Variants in BEST3 observed in about 807,000 individuals in gnomAD.
The protein encoded by BEST3 is bestrophin-3.
In BEST3, 50 loss-of-function variants were observed where a neutral mutation model predicts 47.1. The observed-to-expected ratio is 1.06, with a 90% CI of 0.85 to 1.34. The LOEUF (loss-of-function observed/expected upper bound fraction) is 1.34. Among genes scored for constraint, BEST3 ranks in the 40% most tolerant of loss-of-function variants. BEST3 has a pLI of 0.00. For missense variants in BEST3, 765 were observed against 817.0 expected (o/e 0.94, Z 0.78); for synonymous variants, 282 against 298.8 (o/e 0.94, Z 0.58).
Position 69,692,894 on chromosome 12 carries a change from C to T in BEST3, c.481+780G>A, listed in dbSNP as rs116612751. 5.0e-3 allele frequency among the ~76,000 whole-genome samples: 761 copies of T among 152,142 alleles called. 10 individuals are homozygous for T. Among genetic ancestry groups the T allele is most frequent in the African/African-American group, 0.017 (718 of 41,488 alleles). On this transcript the variant is annotated intron_variant, in intron 4 of 9. Coordinates refer to ENST00000330891, the MANE Select transcript of BEST3 (RefSeq NM_032735.3). ...TCTCCTGCCTCAGCCTCCCGAGTAG[C>T]GGGAATTACAGGTGGGAGCCAGCAA...
intron 9 of BEST3, among the ~76,000 whole-genome samples, chr12:69,667,870 T>C (rs1198987346): frequency 6.6e-6 from 1 of 152,146 alleles, no homozygotes; most frequent in Non-Finnish European, 1.5e-5. Flanking sequence ...CCAGAATAAA[T>C]AAACGAGCAC....
chr12:69,654,591 T>G lies in BEST3; in HGVS notation c.*316A>C. The stretch of plus-strand genomic sequence containing the variant: ...TGATCTATGAGACTCTTTCCACAAC[T>G]AATAATCTATGAATTTATAAGTCAT... On this transcript the variant is annotated 3_prime_UTR_variant, in exon 10 of 10. Transcript: ENST00000330891. 9.4e-7 allele frequency: 1 copy of G among 1,064,478 alleles called. No individual in the cohort carries two copies. Among genetic ancestry groups the G allele is most frequent in the South Asian group, 3.9e-5 (1 of 25,828 alleles). The allele number at this position is 1,064,478 out of a possible 1,614,324, so 65.9% of individuals were successfully genotyped here.
chr12:69,672,762 G>C, intron 8 of BEST3, 123 bp downstream of exon 8: 2 of 678,508 alleles, frequency 2.9e-6, no homozygotes, highest in Non-Finnish European at 2.5e-6. Context: ...GCACAGCCAA[G>C]CCTCTTTCAT....
At position 69,671,477 on chromosome 12, in the gene BEST3, C is replaced by T. The variant is rs201285930; in HGVS notation, c.1051G>A (p.Ala351Thr). The change falls in exon 9 of 10, where the codon GCT becomes ACT. Residue 351 changes from alanine to threonine, a missense_variant. Transcript: ENST00000330891. ...SAARPPYTLA[A>T]ADYCIPSFLG... ...AATGAGGGTATGCAGTAGTCAGCAGCTGCCAATGTGTATGGTGGGCGAGCA... is the reference window on the plus strand; with the variant it reads ...AATGAGGGTATGCAGTAGTCAGCAGTTGCCAATGTGTATGGTGGGCGAGCA... 6.2e-7 allele frequency: 1 copy of T among 1,614,122 alleles called. No individual in the cohort carries two copies. The highest frequency in any genetic ancestry group is 2.2e-5 in the East Asian group (1 of 44,890).
At position 69,680,310 on chromosome 12, in the gene BEST3, C is replaced by CTTCTTTTTTTTTTTTTTTTTTTTTTTT. The variant is rs763385722; in HGVS notation, c.482-1418_482-1417insAAAAAAAAAAAAAAAAAAAAAAAAGAA. 2.0e-3 allele frequency among the ~76,000 whole-genome samples: 194 copies of CTTCTTTTTTTTTTTTTTTTTTTTTTTT among 94,962 alleles called. 35 individuals are homozygous for CTTCTTTTTTTTTTTTTTTTTTTTTTTT. Among genetic ancestry groups the CTTCTTTTTTTTTTTTTTTTTTTTTTTT allele is most frequent in the African/African-American group, 6.4e-3 (150 of 23,386 alleles). The allele number at this position is 94,962 out of a possible 152,430, so 62.3% of individuals were successfully genotyped here. On this transcript the variant is annotated intron_variant, in intron 4 of 9. Coordinates refer to ENST00000330891, the MANE Select transcript of BEST3 (RefSeq NM_032735.3). ...TTAAAACTTACAGTTTACACTTGATCTTTTTTTTTTTTTTTTTAGATGGAG... is the reference window on the plus strand; with the variant it reads ...TTAAAACTTACAGTTTACACTTGATCTTCTTTTTTTTTTTTTTTTTTTTTTTTTTTTTTTTTTTTTTTTTAGATGGAG...
chr12:69,673,073 A>G (rs1884681642), intron 7 of BEST3, 108 bp from the exon 8 acceptor site: 1 of 805,472 alleles, frequency 1.2e-6, no homozygotes, highest in Non-Finnish European at 2.0e-6. Flanking sequence ...TGACTTTCTA[A>G]TACGAAGAGT....
chr12:69,690,537 C>A (rs1045886876), intron 4 of BEST3, among the ~76,000 whole-genome samples: 1 of 152,196 alleles, frequency 6.6e-6, no homozygotes, highest in South Asian at 2.1e-4. Context: ...AACCTGGCTT[C>A]TTCCTGGTGT....
At chr12:69,690,026 A>G (rs1250956108) in intron 4 of BEST3, among the ~76,000 whole-genome samples, 1 of 152,230 alleles carries the variant, frequency 6.6e-6, no homozygotes, top group Non-Finnish European at 1.5e-5. Flanking sequence ...AAACCAACAC[A>G]GGAGCATGTT....
intron 9 of BEST3, among the ~76,000 whole-genome samples, chr12:69,648,032 G>A (rs1883094858): frequency 6.6e-6 from 1 of 152,210 alleles, no homozygotes; most frequent in South Asian, 2.1e-4. Flanking sequence ...TGAGACTAAT[G>A]TCAATTAAAC....
intron 4 of BEST3, among the ~76,000 whole-genome samples, chr12:69,693,113 C>T (rs1289217882): frequency 6.6e-6 from 1 of 152,094 alleles, no homozygotes; most frequent in Non-Finnish European, 1.5e-5. Context: ...TTCTCTCCCC[C>T]ACCTCTGAAG....
At chr12:69,673,090 G>C in intron 7 of BEST3, 125 bp from the exon 8 acceptor site, 1 of 683,168 alleles carries the variant, frequency 1.5e-6, no homozygotes, top group Non-Finnish European at 2.5e-6. Context: ...GAGTAGAGGG[G>C]AGTAGATTGT....
At chr12:69,663,397 A>ATTAT (rs1172221073) in intron 9 of BEST3, among the ~76,000 whole-genome samples, 1 of 152,240 alleles carries the variant, frequency 6.6e-6, no homozygotes, top group Non-Finnish European at 1.5e-5. Flanking sequence ...AGGAAAACTC[A>ATTAT]TTATTACATT....
At chr12:69,646,451 T>C (rs1303022306) in intron 9 of BEST3, among the ~76,000 whole-genome samples, 1 of 152,182 alleles carries the variant, frequency 6.6e-6, no homozygotes, top group African/African-American at 2.4e-5. Context: ...CACCTAATTT[T>C]TTTTTTTTGA....
chr12:69,693,917 A>G lies in BEST3; in HGVS notation c.248-10T>C, dbSNP rs769311723. 19 of 1,572,478 alleles carry G rather than the reference A, an allele frequency of 1.2e-5. No homozygotes were observed. The highest frequency in any genetic ancestry group is 1.6e-5 in the Non-Finnish European group (18 of 1,150,770). ...AGAGTAACATAAAACCCTGTAGAAT[A>G]ACAGGAAATTATAAAGCAGTTTCTT... On this transcript the variant is annotated splice_polypyrimidine_tract_variant and intron_variant, in intron 3 of 9. Transcript: ENST00000330891.
intron 2 of BEST3, among the ~76,000 whole-genome samples, chr12:69,696,831 C>A (rs1482874747): frequency 6.6e-6 from 1 of 152,026 alleles, no homozygotes; most frequent in Non-Finnish European, 1.5e-5. Context: ...CCTCAAAAAC[C>A]TTTAGCTTTC....
intron 4 of BEST3, among the ~76,000 whole-genome samples, chr12:69,691,268 G>A: frequency 6.6e-6 from 1 of 152,144 alleles, no homozygotes; most frequent in East Asian, 1.9e-4. Context: ...CTCATAACAA[G>A]CCTATGGGAT....
intron 9 of BEST3, among the ~76,000 whole-genome samples, chr12:69,665,347 T>A (rs1253057942): frequency 6.6e-6 from 1 of 152,008 alleles, no homozygotes; most frequent in African/African-American, 2.4e-5. Context: ...TGACGATAAT[T>A]CTAAGGAGGC....
intron 9 of BEST3, among the ~76,000 whole-genome samples, chr12:69,661,990 G>A (rs1169151964): frequency 6.6e-6 from 1 of 152,042 alleles, no homozygotes; most frequent in African/African-American, 2.4e-5. Flanking sequence ...CAAAAGTGGG[G>A]GTTCACTTAA....
chr12:69,699,048 C>T (rs1209029619), intron 1 of BEST3, among the ~76,000 whole-genome samples, 157 bp downstream of exon 1: 3 of 152,198 alleles, frequency 2.0e-5, no homozygotes, highest in African/African-American at 7.2e-5. Context: ...ATAATTTGTT[C>T]TCATGGACTC....
Sources: allele counts gnomAD v4.1 joint callset (sites outside exome capture counted in the v4.1 genomes callset), GRCh38; gene constraint gnomAD v4.1.1; transcripts MANE v1.5; gene names NCBI Gene and HGNC (gene_info 2026-07-23, HGNC 2026-07-21).